IL20RB: variants seen among roughly 807,000 people sequenced by gnomAD.
IL20RB encodes the protein interleukin 20 receptor subunit beta, also known as interleukin-20 receptor subunit beta.
IL20RB carries 21 observed loss-of-function variants against 33.3 expected under a neutral mutation model. The observed-to-expected ratio is 0.63, with a 90% CI of 0.45 to 0.91. IL20RB has a LOEUF of 0.91. Ranked by LOEUF, IL20RB falls within the 40% of genes least tolerant of loss-of-function variation. IL20RB has a pLI of 0.00. For synonymous variants in IL20RB, 147 were observed against 146.8 expected (o/e 1.00, Z -0.01); for missense variants, 345 against 384.8 (o/e 0.90, Z 0.86).
intron 5 of IL20RB, 79 bp downstream of exon 5, chr3:136,992,167 C>A: frequency 6.8e-7 from 1 of 1,479,402 alleles, no homozygotes. Flanking sequence ...CTGCTGGGTT[C>A]CTTTGGTTCT....
intron 4 of IL20RB, 133 bp downstream of exon 4, chr3:136,989,698 A>G (rs902793141): frequency 1.2e-5 from 11 of 939,488 alleles, no homozygotes; most frequent in Non-Finnish European, 1.8e-5. Flanking sequence ...AGTGTGCAAA[A>G]GATGAGTATG....
intron 6 of IL20RB, among the ~76,000 whole-genome samples, chr3:136,997,932 G>A (rs1049910501): frequency 6.6e-6 from 1 of 151,570 alleles, no homozygotes; most frequent in Non-Finnish European, 1.5e-5. Context: ...CCCCACACCC[G>A]GCTAATTTTT....
At chr3:136,973,348 G>A (rs536179563) in intron 1 of IL20RB, among the ~76,000 whole-genome samples, 9 of 151,712 alleles carry the variant, frequency 5.9e-5, no homozygotes, top group South Asian at 2.1e-4. Flanking sequence ...AAAATTATCC[G>A]GGCATGGTGG....
intron 1 of IL20RB, among the ~76,000 whole-genome samples, chr3:136,978,134 C>G (rs1458654382): frequency 1.4e-5 from 2 of 148,130 alleles, no homozygotes; most frequent in Non-Finnish European, 3.0e-5. Context: ...CCTGCCTGCT[C>G]TTAACTTGAA....
intron 3 of IL20RB, among the ~76,000 whole-genome samples, chr3:136,982,866 G>A (rs1469528373): frequency 3.3e-5 from 5 of 152,216 alleles, no homozygotes; most frequent in African/African-American, 9.6e-5. Flanking sequence ...GAAAAGGATT[G>A]AGAAAGAAGT....
chr3:136,979,514 G>T (rs1033438948), intron 1 of IL20RB, among the ~76,000 whole-genome samples: 7 of 152,242 alleles, frequency 4.6e-5, no homozygotes, highest in Admixed American at 2.0e-4. Context: ...AGTTCAGACT[G>T]TACCTTTGGG....
At chr3:136,975,573 A>G (rs1157683884) in intron 1 of IL20RB, among the ~76,000 whole-genome samples, 1 of 152,140 alleles carries the variant, frequency 6.6e-6, no homozygotes, top group Non-Finnish European at 1.5e-5. Flanking sequence ...TCTTGACCTC[A>G]TGATCCACCT....
rs775876570 is a variant in IL20RB at position 136,989,564 on chromosome 3, A to C, written c.530A>C (p.Glu177Ala). The change falls in exon 4 of 7, where the codon GAG becomes GCG. Residue 177 changes from glutamate to alanine, a missense_variant and splice_region_variant. Glu to Ala is a moderately radical substitution (Grantham distance 107). Transcript: ENST00000329582. ...VAYWRREPGAEEHVKMVRSGG... is the reference protein window; with the variant it reads ...VAYWRREPGAAEHVKMVRSGG... ...TACTGGAGGAGGGAGCCTGGTGCCGAGGTGAGACTCCAGCCTTGGCCTTTG... is the reference window on the plus strand; with the variant it reads ...TACTGGAGGAGGGAGCCTGGTGCCGCGGTGAGACTCCAGCCTTGGCCTTTG... 1.9e-6 allele frequency: 3 copies of C among 1,613,736 alleles called. No homozygotes were observed. The South Asian group carries it at 3.3e-5, about 18-fold the overall frequency.
rs72978787 is a variant in IL20RB at position 136,989,369 on chromosome 3, C to T, written c.407-72C>T. The T allele has an allele frequency of 8.8e-4, 1,383 of 1,575,578 alleles. 12 individuals carry two copies. The African/African-American group carries it at 0.017, about 19-fold the overall frequency. Reference sequence around the variant, plus strand: ...AGACGGACATATTTCCATACATGACCCGGTCATTGTGTTCCAGGGAAATCA... The same window carrying T: ...AGACGGACATATTTCCATACATGACTCGGTCATTGTGTTCCAGGGAAATCA... On this transcript the variant is annotated intron_variant, in intron 3 of 6. Coordinates refer to ENST00000329582, the MANE Select transcript of IL20RB (RefSeq NM_144717.4).
chr3:137,009,656 C>T (rs1159277060), intron 6 of IL20RB, among the ~76,000 whole-genome samples: 1 of 152,080 alleles, frequency 6.6e-6, no homozygotes. Flanking sequence ...CCTCCTGCCT[C>T]AGCCTCACGA....
chr3:136,993,689 C>T (rs568603158), intron 5 of IL20RB, among the ~76,000 whole-genome samples: 6 of 151,884 alleles, frequency 4.0e-5, no homozygotes, highest in African/African-American at 7.2e-5. Flanking sequence ...TCTGTTCTCG[C>T]GATAGTTTGC....
At chr3:137,007,016 A>C (rs2107725742) in intron 6 of IL20RB, among the ~76,000 whole-genome samples, 1 of 152,220 alleles carries the variant, frequency 6.6e-6, no homozygotes, top group Non-Finnish European at 1.5e-5. Context: ...TTTCCTTCTA[A>C]CAGTCAGGTC....
At chr3:136,998,312 T>G (rs1172260704) in intron 6 of IL20RB, among the ~76,000 whole-genome samples, 1 of 151,762 alleles carries the variant, frequency 6.6e-6, no homozygotes, top group Non-Finnish European at 1.5e-5. Context: ...AGAGTTAATA[T>G]TATATCATTT....
intron 6 of IL20RB, among the ~76,000 whole-genome samples, chr3:137,002,645 G>A (rs1324853984): frequency 3.3e-5 from 5 of 151,906 alleles, no homozygotes; most frequent in Admixed American, 6.6e-5. Context: ...ATTTGTTTGA[G>A]TTCTTTGTAG....
chr3:136,997,761 G>A (rs994096930), intron 6 of IL20RB, among the ~76,000 whole-genome samples: 1 of 151,156 alleles, frequency 6.6e-6, no homozygotes, highest in African/African-American at 2.4e-5. Flanking sequence ...CTTTAAATTG[G>A]TATTTTTAGT....
intron 3 of IL20RB, among the ~76,000 whole-genome samples, chr3:136,985,855 G>A (rs1941885424): frequency 6.6e-6 from 1 of 152,140 alleles, no homozygotes; most frequent in African/African-American, 2.4e-5. Context: ...TAGCAAAGAG[G>A]CTAAACACCC....
chr3:136,975,167 A>G (rs1419358049), intron 1 of IL20RB, among the ~76,000 whole-genome samples: 5 of 152,000 alleles, frequency 3.3e-5, no homozygotes, highest in South Asian at 2.1e-4. Flanking sequence ...TGGAGATGTC[A>G]TATGTCCTTG....
intron 5 of IL20RB, among the ~76,000 whole-genome samples, chr3:136,992,666 A>G (rs1942055314): frequency 6.6e-6 from 1 of 152,246 alleles, no homozygotes; most frequent in Non-Finnish European, 1.5e-5. Context: ...ATTTTTGTGT[A>G]TAGCCTTTTA....
At chr3:136,992,161 T>A in intron 5 of IL20RB, 73 bp downstream of exon 5, 1 of 1,502,690 alleles carries the variant, frequency 6.7e-7, no homozygotes, top group South Asian at 1.3e-5. Context: ...AGAGGCCTGC[T>A]GGGTTCCTTT....
Sources: allele counts gnomAD v4.1 joint callset (sites outside exome capture counted in the v4.1 genomes callset), GRCh38; gene constraint gnomAD v4.1.1; transcripts MANE v1.5; gene names NCBI Gene and HGNC (gene_info 2026-07-23, HGNC 2026-07-21).